MAPK10: variants seen among roughly 807,000 people sequenced by gnomAD.
MAPK10 encodes the protein JNK3 alpha protein kinase.
In MAPK10, 25 loss-of-function variants were observed where a neutral mutation model predicts 59.3. The ratio of observed to expected loss-of-function variants is 0.42; its 90% CI spans 0.31 to 0.59. The LOEUF (loss-of-function observed/expected upper bound fraction) is 0.59, where lower values mean the gene tolerates loss of function less well. Among genes scored for constraint, MAPK10 ranks in the 20% least tolerant of loss-of-function variants. The probability of loss-of-function intolerance (pLI) is 0.15; values close to 1 mark genes in which losing one functional copy is unlikely to be tolerated. For synonymous variants in MAPK10, 190 were observed against 200.5 expected (o/e 0.95, Z 0.44); for missense variants, 351 against 568.9 (o/e 0.62, Z 3.90).
intron 1 of MAPK10, among the ~76,000 whole-genome samples, chr4:86,505,874 C>T (rs1349795612): frequency 6.6e-6 from 1 of 152,030 alleles, no homozygotes; most frequent in African/African-American, 2.4e-5. Flanking sequence ...AAATTACTTC[C>T]CCAATTCTGT....
At chr4:86,230,468 A>G (rs773222478) in intron 2 of MAPK10, among the ~76,000 whole-genome samples, 23 of 152,238 alleles carry the variant, frequency 1.5e-4, no homozygotes, top group Non-Finnish European at 1.0e-4. Context: ...AAAATAGACT[A>G]TCTCTTCTAA....
intron 2 of MAPK10, among the ~76,000 whole-genome samples, chr4:86,284,251 T>C (rs1191777971): frequency 2.0e-5 from 3 of 152,182 alleles, no homozygotes; most frequent in South Asian, 4.1e-4. Flanking sequence ...GTTAAGTAAT[T>C]TGCCCAAGAA....
intron 2 of MAPK10, among the ~76,000 whole-genome samples, chr4:86,238,708 CTT>C (rs1352200877): frequency 9.2e-5 from 14 of 152,294 alleles, no homozygotes; most frequent in African/African-American, 3.4e-4. Context: ...TATCCTGAGA[CTT>C]TGATGAAATT....
upstream of MAPK10, among the ~76,000 whole-genome samples, chr4:86,364,709 G>A (rs1737554498): frequency 6.6e-6 from 1 of 152,120 alleles, no homozygotes; most frequent in South Asian, 2.1e-4. Flanking sequence ...GGTCAGGTGT[G>A]GTGTCTCACA....
intron 9 of MAPK10, among the ~76,000 whole-genome samples, chr4:86,079,004 A>G (rs1455139256): frequency 1.3e-5 from 2 of 151,730 alleles, no homozygotes; most frequent in Non-Finnish European, 2.9e-5. Context: ...CCCCCCAAAA[A>G]AAGAAAAAGA....
intron 9 of MAPK10, among the ~76,000 whole-genome samples, chr4:86,094,709 T>C (rs888946943): frequency 1.3e-5 from 2 of 151,914 alleles, no homozygotes; most frequent in African/African-American, 4.8e-5. Flanking sequence ...TGGATAGTTC[T>C]TAGAAAAAAC....
At chr4:86,411,954 G>A (rs1745231670) in intron 1 of MAPK10, among the ~76,000 whole-genome samples, 1 of 152,110 alleles carries the variant, frequency 6.6e-6, no homozygotes, top group Non-Finnish European at 1.5e-5. Flanking sequence ...GATGTTAGCT[G>A]GTTATTTTGT....
intron 2 of MAPK10, among the ~76,000 whole-genome samples, chr4:86,206,145 T>C (rs2083854173): frequency 6.6e-6 from 1 of 151,844 alleles, no homozygotes; most frequent in Non-Finnish European, 1.5e-5. Flanking sequence ...GCTGCACCCA[T>C]TAACTCGTCA....
chr4:86,257,872 G>A (rs1478994800), intron 2 of MAPK10, among the ~76,000 whole-genome samples: 4 of 151,960 alleles, frequency 2.6e-5, no homozygotes, highest in Non-Finnish European at 5.9e-5. Context: ...ACTAATCTAA[G>A]TGTCATTCTG....
At chr4:86,090,243 G>A (rs1278786703) in intron 9 of MAPK10, 2 of 151,496 alleles carry the variant, frequency 1.3e-5, no homozygotes, top group African/African-American at 2.4e-5. Context: ...TAGGGATGCT[G>A]GGGGGGAGCA....
intron 1 of MAPK10, among the ~76,000 whole-genome samples, chr4:86,463,850 C>T (rs147572310): frequency 0.04 from 6,081 of 152,220 alleles, 172 homozygotes; most frequent in Middle Eastern, 0.061. Context: ...AAAAGCAAGT[C>T]CATAAAGCTC....
intron 9 of MAPK10, among the ~76,000 whole-genome samples, chr4:86,068,788 A>G (rs1323382370): frequency 6.6e-6 from 1 of 152,118 alleles, no homozygotes; most frequent in Non-Finnish European, 1.5e-5. Flanking sequence ...AGACATACTC[A>G]ATGATTGAGA....
chr4:86,540,213 G>T (rs1758566435), intron 1 of MAPK10, among the ~76,000 whole-genome samples: 1 of 152,136 alleles, frequency 6.6e-6, no homozygotes, highest in African/African-American at 2.4e-5. Flanking sequence ...TGTAAGAACT[G>T]GGCCATGCAC....
chr4:86,169,538 A>C (rs1562603069), intron 3 of MAPK10, among the ~76,000 whole-genome samples: 1 of 152,124 alleles, frequency 6.6e-6, no homozygotes, highest in Non-Finnish European at 1.5e-5. Context: ...GAAATGAACA[A>C]AGCCTCCAAG....
chr4:86,370,055 C>A (rs181349249), intron 1 of MAPK10, among the ~76,000 whole-genome samples: 2 of 152,300 alleles, frequency 1.3e-5, no homozygotes, highest in East Asian at 1.9e-4. Flanking sequence ...GTAACCCACA[C>A]TTAGATTAAA....
chr4:86,504,498 A>G (rs1228987490), intron 1 of MAPK10, among the ~76,000 whole-genome samples: 2 of 152,166 alleles, frequency 1.3e-5, no homozygotes, highest in Non-Finnish European at 2.9e-5. Context: ...TTTCCAAAGG[A>G]TAGTAGCAGT....
chr4:86,418,424 C>A (rs111954249), intron 1 of MAPK10, among the ~76,000 whole-genome samples: 29 of 152,210 alleles, frequency 1.9e-4, no homozygotes, highest in African/African-American at 6.5e-4. Context: ...ATTAAAAGTT[C>A]ATTAAAGATT....
At chr4:86,166,426 C>T (rs6836359) in intron 3 of MAPK10, among the ~76,000 whole-genome samples, 12,839 of 151,632 alleles carry the variant, frequency 0.085, 1,206 homozygotes, top group African/African-American at 0.23. Context: ...AGAAAACTCT[C>T]AAAGTTTTTA....
At chr4:86,050,401 G>A (rs1273409851) in intron 11 of MAPK10, among the ~76,000 whole-genome samples, 2 of 152,084 alleles carry the variant, frequency 1.3e-5, no homozygotes, top group South Asian at 2.1e-4. Context: ...GAATGAATGT[G>A]GTGGACCTGT....
Sources: gnomAD v4.1 joint callset for allele counts (sites outside exome capture counted in the v4.1 genomes callset) on GRCh38, gnomAD v4.1.1 for gene constraint, MANE v1.5 for transcripts, NCBI Gene and HGNC (gene_info 2026-07-23, HGNC 2026-07-21) for gene names.